KHDRBS1: variants seen among roughly 807,000 people sequenced by gnomAD.
KHDRBS1 encodes KH RNA binding domain containing, signal transduction associated 1.
In KHDRBS1, 7 loss-of-function variants were observed where a neutral mutation model predicts 48.4. The ratio of observed to expected loss-of-function variants is 0.14; its 90% CI spans 0.08 to 0.27. KHDRBS1 has a LOEUF of 0.27. Ranked by LOEUF, KHDRBS1 falls within the 10% of genes least tolerant of loss-of-function variation. KHDRBS1 has a pLI of 1.00. For synonymous variants in KHDRBS1, 241 were observed against 235.8 expected (o/e 1.02, Z -0.20); for missense variants, 458 against 601.2 (o/e 0.76, Z 2.49).
chr1:32,015,004 A>AT (rs1310634115), intron 1 of KHDRBS1, among the ~76,000 whole-genome samples: 3 of 152,128 alleles, frequency 2.0e-5, no homozygotes, highest in Non-Finnish European at 4.4e-5. Context: ...TAAAATAAGA[A>AT]TTGCTACTGA....
intron 6 of KHDRBS1, 83 bp downstream of exon 6, chr1:32,038,119 T>C: frequency 6.4e-7 from 1 of 1,573,742 alleles, no homozygotes; most frequent in South Asian, 1.2e-5. Context: ...CGGTCCTTTA[T>C]GTAGGTGTCA....
At chr1:32,025,363 C>T (rs1414177433) in intron 1 of KHDRBS1, among the ~76,000 whole-genome samples, 6 of 140,820 alleles carry the variant, frequency 4.3e-5, no homozygotes, top group South Asian at 2.3e-4. Context: ...TGCAGTGGCA[C>T]GATCTCAGCT....
chr1:32,053,242 T>C (rs1255249573), intron 10 of KHDRBS1, among the ~76,000 whole-genome samples: 1 of 152,176 alleles, frequency 6.6e-6, no homozygotes, highest in East Asian at 1.9e-4. Context: ...CCAGGGAGCC[T>C]GGAGGAGCTG....
intron 10 of KHDRBS1, among the ~76,000 whole-genome samples, chr1:32,054,155 G>T (rs1312201847): frequency 6.6e-6 from 1 of 152,140 alleles, no homozygotes; most frequent in Non-Finnish European, 1.5e-5. Flanking sequence ...AGTTAGTGCT[G>T]ATTTTGGAAG....
chr1:32,020,269 A>C (rs1464328643), intron 1 of KHDRBS1, among the ~76,000 whole-genome samples: 5 of 150,400 alleles, frequency 3.3e-5, no homozygotes, highest in Non-Finnish European at 7.5e-5. Flanking sequence ...CATAGTCCCA[A>C]CTACCCGGGA....
intron 1 of KHDRBS1, among the ~76,000 whole-genome samples, chr1:32,025,836 T>C (rs1638958525): frequency 6.7e-6 from 1 of 148,940 alleles, no homozygotes; most frequent in Non-Finnish European, 1.5e-5. Context: ...CCTTGAACTC[T>C]TGGGCTCAAG....
chr1:32,023,786 A>G (rs1337097514), intron 1 of KHDRBS1, among the ~76,000 whole-genome samples: 1 of 152,224 alleles, frequency 6.6e-6, no homozygotes, highest in Non-Finnish European at 1.5e-5. Context: ...CCATCAGACA[A>G]CTGAACATCT....
intron 1 of KHDRBS1, among the ~76,000 whole-genome samples, chr1:32,024,921 T>C (rs1170227752): frequency 6.6e-6 from 1 of 151,282 alleles, no homozygotes; most frequent in Non-Finnish European, 1.5e-5. Context: ...ACTATGATGG[T>C]GTCACTATGC....
At chr1:32,036,834 G>C in intron 4 of KHDRBS1, 76 bp from the exon 5 acceptor site, 1 of 1,463,374 alleles carries the variant, frequency 6.8e-7, no homozygotes, top group Non-Finnish European at 9.2e-7. Flanking sequence ...TAGAATTCAA[G>C]TCTCCCGTGG....
chr1:32,052,061 G>A (rs573513251), intron 10 of KHDRBS1, among the ~76,000 whole-genome samples: 3 of 152,290 alleles, frequency 2.0e-5, no homozygotes, highest in East Asian at 1.9e-4. Flanking sequence ...GTGAGATAGG[G>A]AAAATAGGCA....
Position 32,036,907 on chromosome 1 carries a change from C to T in KHDRBS1, c.772-3C>T. 1 of 1,611,080 alleles carries T rather than the reference C, an allele frequency of 6.2e-7. No homozygotes were observed. The highest frequency in any genetic ancestry group is 8.5e-7 in the Non-Finnish European group (1 of 1,178,410). ...CAATACTCCTTGTATCTTTCGTTCC[C>T]AGGATATGATGGATGATATCTGTCA... On this transcript the variant is annotated splice_polypyrimidine_tract_variant and splice_region_variant and intron_variant, in intron 4 of 8. Coordinates refer to ENST00000327300, the MANE Select transcript of KHDRBS1 (RefSeq NM_006559.3).
intron 1 of KHDRBS1, among the ~76,000 whole-genome samples, chr1:32,019,529 CA>C (rs199995230): frequency 1.4e-5 from 2 of 144,806 alleles, no homozygotes; most frequent in Non-Finnish European, 3.0e-5. Context: ...AACTCAATCT[CA>C]AAAAAAAACA....
intron 1 of KHDRBS1, among the ~76,000 whole-genome samples, chr1:32,020,650 G>C (rs1268651453): frequency 6.7e-6 from 1 of 149,802 alleles, no homozygotes; most frequent in Admixed American, 6.7e-5. Flanking sequence ...GTTAATAAAT[G>C]CAGCAACTTG....
chr1:32,039,357 A>G (rs1278933781), intron 7 of KHDRBS1, among the ~76,000 whole-genome samples, 158 bp from the exon 8 acceptor site: 1 of 152,254 alleles, frequency 6.6e-6, no homozygotes, highest in Non-Finnish European at 1.5e-5. Context: ...CATAGTCTAT[A>G]CATATTTTGG....
At position 32,031,481 on chromosome 1, in the gene KHDRBS1, A is replaced by G. The variant is rs758223817; in HGVS notation, c.508-43A>G. 9 of 1,207,472 alleles carry G rather than the reference A, an allele frequency of 7.5e-6. No individual in the cohort carries two copies. The South Asian group carries it at 1.2e-4, about 16-fold the overall frequency. The allele number at this position is 1,207,472 out of a possible 1,614,324, so 74.8% of individuals were successfully genotyped here. A position where few individuals can be genotyped will look rare whatever the true frequency, so the allele number is the denominator to read the frequency against. ...AGGTAATTTATGTGGAAATGTTTTT[A>G]TATAGTAGCATGTATATTTAGAAAT... On this transcript the variant is annotated intron_variant, in intron 2 of 8. Coordinates refer to ENST00000327300, the MANE Select transcript of KHDRBS1 (RefSeq NM_006559.3).
chr1:32,036,742 C>G (rs1050832708), intron 4 of KHDRBS1, among the ~76,000 whole-genome samples, 168 bp from the exon 5 acceptor site: 3 of 152,050 alleles, frequency 2.0e-5, no homozygotes, highest in African/African-American at 7.2e-5. Context: ...AGACTTTTCT[C>G]AAAGAGGTGA....
rs34505125 is a variant in KHDRBS1 at position 32,017,600 on chromosome 1, CT to C, written c.382+3247del. Among the ~76,000 whole-genome samples the C allele has an allele frequency of 4.5e-3, 330 of 73,780 alleles. 1 individual carries two copies. The highest frequency in any genetic ancestry group is 0.013 in the African/African-American group (246 of 18,952). The allele number at this position is 73,780 out of a possible 152,430, so 48.4% of individuals were successfully genotyped here. On this transcript the variant is annotated intron_variant, in intron 1 of 8. Coordinates refer to ENST00000327300, the MANE Select transcript of KHDRBS1 (RefSeq NM_006559.3). ...TATAGATACCAGTGTTCTTTTTCTACTTTTTTTTTTTTTTTTTTTTTTTTGA... is the reference window on the plus strand; with the variant it reads ...TATAGATACCAGTGTTCTTTTTCTACTTTTTTTTTTTTTTTTTTTTTTTGA...
intron 4 of KHDRBS1, among the ~76,000 whole-genome samples, chr1:32,036,163 A>ATT (rs397742842): frequency 0.011 from 672 of 60,472 alleles, 72 homozygotes; most frequent in African/African-American, 0.045. Context: ...CATTTTGAAG[A>ATT]TTTTTTTTTT....
chr1:32,025,834 T>G (rs1201918320), intron 1 of KHDRBS1, among the ~76,000 whole-genome samples: 1 of 148,422 alleles, frequency 6.7e-6, no homozygotes, highest in Non-Finnish European at 1.5e-5. Flanking sequence ...AGCCTTGAAC[T>G]CTTGGGCTCA....
Sources: gnomAD v4.1 joint callset for allele counts (sites outside exome capture counted in the v4.1 genomes callset) on GRCh38, gnomAD v4.1.1 for gene constraint, MANE v1.5 for transcripts, NCBI Gene and HGNC (gene_info 2026-07-23, HGNC 2026-07-21) for gene names.